LRRC4C: variants seen among roughly 807,000 people sequenced by gnomAD.
The protein encoded by LRRC4C is leucine rich repeat containing 4C.
Under a neutral mutation model 33.6 loss-of-function variants are expected in LRRC4C, and 5 were observed. The observed-to-expected ratio is 0.15, with a 90% CI of 0.08 to 0.31. LRRC4C has a LOEUF of 0.31. Ranked by LOEUF, LRRC4C falls within the 10% of genes least tolerant of loss-of-function variation. The pLI is 1.00. For synonymous variants in LRRC4C, 329 were observed against 302.0 expected, an observed-to-expected ratio of 1.09 and a Z score of -0.93; for missense variants, 560 against 796.7, an observed-to-expected ratio of 0.70 and a Z score of 3.58.
chr11:41,099,874 A>G (rs1043657995), intron 1 of LRRC4C, among the ~76,000 whole-genome samples: 7 of 152,142 alleles, frequency 4.6e-5, no homozygotes, highest in Admixed American at 3.9e-4. Context: ...AGGGTATCCA[A>G]ATAGGAAGAA....
intron 1 of LRRC4C, among the ~76,000 whole-genome samples, chr11:41,163,907 T>G (rs1184502242): frequency 6.6e-6 from 1 of 152,178 alleles, no homozygotes. Context: ...ATGCTGCACC[T>G]GGCCACTACT....
chr11:40,812,633 C>T (rs562852329), intron 2 of LRRC4C, among the ~76,000 whole-genome samples: 41 of 152,086 alleles, frequency 2.7e-4, no homozygotes, highest in Non-Finnish European at 5.1e-4. Flanking sequence ...GCCCTAAGCT[C>T]TAAGCCACAA....
chr11:40,582,390 A>G (rs1167593087), intron 3 of LRRC4C, among the ~76,000 whole-genome samples: 1 of 152,174 alleles, frequency 6.6e-6, no homozygotes, highest in Non-Finnish European at 1.5e-5. Context: ...GAATAAAAAA[A>G]GTAATTGCCT....
intron 3 of LRRC4C, among the ~76,000 whole-genome samples, chr11:40,559,228 A>G (rs1957453429): frequency 7.3e-6 from 1 of 136,942 alleles, no homozygotes; most frequent in Admixed American, 7.9e-5. Context: ...TCTGCCACCC[A>G]GGTTGGAGTG....
At chr11:40,336,900 C>A (rs958706397) in intron 3 of LRRC4C, among the ~76,000 whole-genome samples, 6 of 143,680 alleles carry the variant, frequency 4.2e-5, no homozygotes, top group Admixed American at 7.2e-5. Flanking sequence ...TGGCGTGAAC[C>A]CGGAAGGCGG....
At chr11:40,683,976 T>C (rs1944832543) in intron 2 of LRRC4C, among the ~76,000 whole-genome samples, 1 of 152,166 alleles carries the variant, frequency 6.6e-6, no homozygotes, top group South Asian at 2.1e-4. Flanking sequence ...TCTAATGATA[T>C]CACTGGTACA....
chr11:41,338,255 G>A (rs1186916556), intron 1 of LRRC4C, among the ~76,000 whole-genome samples: 5 of 152,098 alleles, frequency 3.3e-5, no homozygotes, highest in Non-Finnish European at 4.4e-5. Flanking sequence ...TATGTTTATC[G>A]CAGCACTATT....
At chr11:40,732,797 C>T (rs188848894) in intron 2 of LRRC4C, among the ~76,000 whole-genome samples, 3 of 152,246 alleles carry the variant, frequency 2.0e-5, no homozygotes, top group Admixed American at 2.0e-4. Context: ...GTTTTGAATG[C>T]TAAATGAGGT....
chr11:41,262,343 G>A (rs79754765), intron 1 of LRRC4C, among the ~76,000 whole-genome samples: 2,534 of 151,424 alleles, frequency 0.017, 70 homozygotes, highest in African/African-American at 0.059. Flanking sequence ...TCTATTATGT[G>A]GCACTATAGA....
chr11:41,219,502 A>G lies in LRRC4C; in HGVS notation c.-496+239929T>C, dbSNP rs559263658. ...AAATCTTCACACATTCTTGAAGTCC[A>G]GTCAAGTGTTTCTGTGTGTTCCTAC... On this transcript the variant is annotated intron_variant, in intron 1 of 6. Coordinates refer to ENST00000528697, the MANE Select transcript of LRRC4C (RefSeq NM_001258419.2). Among the ~76,000 whole-genome samples, 24 of 152,372 alleles carry G rather than the reference A, an allele frequency of 1.6e-4. No homozygotes were observed. The South Asian group carries it at 3.7e-3, about 24-fold the overall frequency.
At chr11:40,907,118 T>G (rs1158819094) in intron 2 of LRRC4C, among the ~76,000 whole-genome samples, 1 of 152,242 alleles carries the variant, frequency 6.6e-6, no homozygotes, top group Non-Finnish European at 1.5e-5. Context: ...CTAGCTTAGT[T>G]ATTCTTTCAG....
chr11:40,384,194 A>G (rs1214967502), intron 3 of LRRC4C, among the ~76,000 whole-genome samples: 2 of 152,066 alleles, frequency 1.3e-5, no homozygotes, highest in Non-Finnish European at 2.9e-5. Context: ...GAATCGTCAC[A>G]GGGGAATACC....
chr11:41,207,236 C>A (rs1205297674), intron 1 of LRRC4C, among the ~76,000 whole-genome samples: 1 of 152,096 alleles, frequency 6.6e-6, no homozygotes, highest in Non-Finnish European at 1.5e-5. Flanking sequence ...TATGCCCTGT[C>A]CTAGCCTGGA....
intron 5 of LRRC4C, among the ~76,000 whole-genome samples, chr11:40,213,329 A>C (rs1187298729): frequency 6.6e-6 from 1 of 152,192 alleles, no homozygotes; most frequent in Non-Finnish European, 1.5e-5. Context: ...TTTGGCTAAC[A>C]TGATGGCACT....
At chr11:41,432,386 G>A (rs1465151943) in intron 1 of LRRC4C, among the ~76,000 whole-genome samples, 1 of 152,170 alleles carries the variant, frequency 6.6e-6, no homozygotes, top group East Asian at 1.9e-4. Context: ...GTCAAAGTCT[G>A]GGAGTGAATG....
intron 2 of LRRC4C, among the ~76,000 whole-genome samples, chr11:40,906,518 A>G (rs1956423687): frequency 6.6e-6 from 1 of 152,220 alleles, no homozygotes; most frequent in African/African-American, 2.4e-5. Flanking sequence ...CTCAAAACAA[A>G]CAAACAGACA....
At chr11:40,586,735 C>A (rs536621972) in intron 3 of LRRC4C, among the ~76,000 whole-genome samples, 2 of 151,044 alleles carry the variant, frequency 1.3e-5, no homozygotes, top group African/African-American at 4.9e-5. Flanking sequence ...ATAGGGAAGC[C>A]TTTCCCCATT....
intron 1 of LRRC4C, among the ~76,000 whole-genome samples, chr11:41,160,216 A>G (rs1310539041): frequency 7.2e-5 from 11 of 152,076 alleles, no homozygotes; most frequent in Admixed American, 7.2e-4. Flanking sequence ...TAAAATATAG[A>G]ACATATGGCT....
intron 6 of LRRC4C, among the ~76,000 whole-genome samples, chr11:40,128,440 A>T (rs2134763971): frequency 6.6e-6 from 1 of 152,316 alleles, no homozygotes; most frequent in East Asian, 1.9e-4. Context: ...TTCCAACTTG[A>T]ACCTCTTAAA....
Sources: allele counts gnomAD v4.1 joint callset (sites outside exome capture counted in the v4.1 genomes callset), GRCh38; gene constraint gnomAD v4.1.1; transcripts MANE v1.5; gene names NCBI Gene and HGNC (gene_info 2026-07-23, HGNC 2026-07-21).